CHRM3: variants seen among roughly 807,000 people sequenced by gnomAD.
CHRM3 encodes the protein cholinergic receptor muscarinic 3, also known as muscarinic acetylcholine receptor M3.
In CHRM3, 11 loss-of-function variants were observed where a neutral mutation model predicts 41.8. The ratio of observed to expected loss-of-function variants is 0.26; its 90% CI spans 0.17 to 0.44. The LOEUF is 0.44. CHRM3 is among the 20% of genes least tolerant of loss of function. CHRM3 has a pLI of 1.00. For missense variants in CHRM3, 571 were observed against 745.4 expected (o/e 0.77, Z 2.72); for synonymous variants, 297 against 301.4 (o/e 0.99, Z 0.15).
intron 3 of CHRM3, among the ~76,000 whole-genome samples, chr1:239,609,048 A>T (rs1279442009): frequency 6.6e-6 from 1 of 152,212 alleles, no homozygotes; most frequent in African/African-American, 2.4e-5. Flanking sequence ...ATGTATACAC[A>T]TGTGAAAATC....
At chr1:239,758,443 T>A (rs1414466090) in intron 5 of CHRM3, among the ~76,000 whole-genome samples, 1 of 152,142 alleles carries the variant, frequency 6.6e-6, no homozygotes, top group Non-Finnish European at 1.5e-5. Context: ...ATGTAATCAT[T>A]GTAATGATAT....
At chr1:239,524,125 A>G (rs1313741685) in intron 2 of CHRM3, among the ~76,000 whole-genome samples, 2 of 152,212 alleles carry the variant, frequency 1.3e-5, no homozygotes, top group African/African-American at 4.8e-5. Flanking sequence ...TGAAAACCCC[A>G]TAACCTCACC....
rs917226733 is a variant in CHRM3 at position 239,910,209 on chromosome 1, T to G, written c.*985T>G. 1 of 166,908 alleles carries G rather than the reference T, an allele frequency of 6.0e-6. No individual in the cohort carries two copies. Among genetic ancestry groups the G allele is most frequent in the Non-Finnish European group, 1.5e-5 (1 of 68,094 alleles). 10.3% of individuals were successfully genotyped at this position (166,908 alleles called of 1,614,324 possible). A position where few individuals can be genotyped will look rare whatever the true frequency, so the allele number is the denominator to read the frequency against. On this transcript the variant is annotated 3_prime_UTR_variant, in exon 7 of 7. Transcript: ENST00000676153. ...TGAACCACATCCACACGTTTGAATT[T>G]AATCATCTAAATCTGAATGTTTCAG...
chr1:239,636,712 T>A (rs1670502193), intron 4 of CHRM3, among the ~76,000 whole-genome samples: 3 of 152,212 alleles, frequency 2.0e-5, no homozygotes, highest in Non-Finnish European at 4.4e-5. Context: ...AAATCTGTTT[T>A]TAAAATTGTG....
intron 4 of CHRM3, among the ~76,000 whole-genome samples, chr1:239,649,479 T>C (rs1439320709): frequency 2.1e-5 from 3 of 139,708 alleles, no homozygotes; most frequent in Non-Finnish European, 3.2e-5. Context: ...AAAAGCAGAA[T>C]TGGAATTCAG....
At chr1:239,741,766 A>G (rs1210923438) in intron 5 of CHRM3, among the ~76,000 whole-genome samples, 2 of 152,230 alleles carry the variant, frequency 1.3e-5, no homozygotes, top group Non-Finnish European at 2.9e-5. Context: ...TCTTATATTT[A>G]TATGTAAACA....
At chr1:239,773,705 T>A (rs1444244689) in intron 5 of CHRM3, among the ~76,000 whole-genome samples, 2 of 152,200 alleles carry the variant, frequency 1.3e-5, no homozygotes, top group African/African-American at 4.8e-5. Flanking sequence ...TAGCTATCAA[T>A]CACTAGTCAA....
At chr1:239,480,041 T>A (rs1327421814) in intron 1 of CHRM3, among the ~76,000 whole-genome samples, 1 of 152,228 alleles carries the variant, frequency 6.6e-6, no homozygotes, top group African/African-American at 2.4e-5. Context: ...GGGACCATCA[T>A]CATATATGCA....
intron 5 of CHRM3, among the ~76,000 whole-genome samples, chr1:239,758,212 A>C (rs1375615140): frequency 6.6e-6 from 1 of 152,210 alleles, no homozygotes; most frequent in East Asian, 1.9e-4. Flanking sequence ...ACTTTAAATA[A>C]ATGTCTCAAA....
chr1:239,859,404 G>T lies in CHRM3; in HGVS notation c.-20+32026G>T, dbSNP rs139394269. Among the ~76,000 whole-genome samples, 710 of 115,440 alleles carry T rather than the reference G, an allele frequency of 6.2e-3. 4 individuals carry two copies. Among genetic ancestry groups the T allele is most frequent in the African/African-American group, 0.016 (471 of 29,670 alleles). The allele number at this position is 115,440 out of a possible 152,430, so 75.7% of individuals were successfully genotyped here. On this transcript the variant is annotated intron_variant, in intron 6 of 6. Transcript: ENST00000676153. Reference sequence around the variant, plus strand: ...ATGGATTTGTTGGCCTGTTTTTTTTGTTGTTGTTGTTGTTGTTTTTTTTTT... The same window carrying T: ...ATGGATTTGTTGGCCTGTTTTTTTTTTTGTTGTTGTTGTTGTTTTTTTTTT...
intron 4 of CHRM3, among the ~76,000 whole-genome samples, chr1:239,646,469 T>C (rs1671747813): frequency 6.6e-6 from 1 of 152,208 alleles, no homozygotes; most frequent in Non-Finnish European, 1.5e-5. Flanking sequence ...AATAGGCACA[T>C]ATACGCACTG....
At chr1:239,520,559 C>A (rs529630862) in intron 2 of CHRM3, among the ~76,000 whole-genome samples, 3 of 152,154 alleles carry the variant, frequency 2.0e-5, no homozygotes, top group Non-Finnish European at 4.4e-5. Context: ...CTGAAGCAGA[C>A]GTCTGTGTTA....
intron 5 of CHRM3, chr1:239,704,646 G>A (rs1417055513): frequency 1.3e-5 from 2 of 152,112 alleles, no homozygotes; most frequent in Non-Finnish European, 2.9e-5. Flanking sequence ...AATACCAGAA[G>A]GAGGAAAGGT....
chr1:239,549,659 T>TA (rs542326965), intron 3 of CHRM3, among the ~76,000 whole-genome samples: 2,097 of 119,746 alleles, frequency 0.018, 32 homozygotes, highest in African/African-American at 0.044. Context: ...AGACTCCATC[T>TA]AAAAAAAAAA....
intron 3 of CHRM3, among the ~76,000 whole-genome samples, chr1:239,581,240 A>G (rs1662871078): frequency 6.6e-6 from 1 of 152,162 alleles, no homozygotes; most frequent in African/African-American, 2.4e-5. Flanking sequence ...AGATTTATCT[A>G]TAGATTATAG....
intron 4 of CHRM3, among the ~76,000 whole-genome samples, chr1:239,661,176 C>A (rs764413648): frequency 6.6e-6 from 1 of 152,138 alleles, no homozygotes; most frequent in Non-Finnish European, 1.5e-5. Flanking sequence ...TAAATGTCTT[C>A]TACTTTTATT....
At chr1:239,719,539 GC>G (rs1474441464) in intron 5 of CHRM3, 3 of 151,948 alleles carry the variant, frequency 2.0e-5, no homozygotes, top group Admixed American at 1.3e-4. Context: ...ATTTCATCTG[GC>G]GATTTTAGTA....
intron 6 of CHRM3, among the ~76,000 whole-genome samples, chr1:239,880,408 A>G (rs969634797): frequency 2.0e-5 from 3 of 152,226 alleles, no homozygotes; most frequent in African/African-American, 7.2e-5. Flanking sequence ...TTACCATGAT[A>G]ACCTATAATC....
intron 2 of CHRM3, among the ~76,000 whole-genome samples, chr1:239,531,962 A>G (rs1466940565): frequency 5.0e-5 from 7 of 139,250 alleles, no homozygotes; most frequent in African/African-American, 1.9e-4. Context: ...CCTGGCCTAG[A>G]ATGGATATTT....
Sources: gnomAD v4.1 joint callset for allele counts (sites outside exome capture counted in the v4.1 genomes callset) on GRCh38, gnomAD v4.1.1 for gene constraint, MANE v1.5 for transcripts, NCBI Gene and HGNC (gene_info 2026-07-23, HGNC 2026-07-21) for gene names.